The following ADCY3 variants were observed in gnomAD, a reference collection of about 807,000 sequenced individuals.
ADCY3 encodes the protein adenylate cyclase 3, also known as adenylate cyclase type 3.
In ADCY3, 70 loss-of-function variants were observed where a neutral mutation model predicts 119.4. That is an observed-to-expected ratio of 0.59 (90% CI 0.48 to 0.72). ADCY3 has a LOEUF of 0.72. ADCY3 is among the 30% of genes least tolerant of loss of function. The pLI is 0.00. For missense variants in ADCY3, 1,238 were observed against 1,541.6 expected (o/e 0.80, Z 3.30); for synonymous variants, 672 against 621.4 (o/e 1.08, Z -1.21).
At chr2:24,826,747 G>GTATA (rs10577242) in intron 15 of ADCY3, 111 of 151,644 alleles carry the variant, frequency 7.3e-4, no homozygotes, top group East Asian at 1.4e-3. Flanking sequence ...TAAGATGTGT[G>GTATA]TATATATATA....
chr2:24,825,954 TAGG>T, intron 16 of ADCY3, 88 bp downstream of exon 16: 1 of 1,269,318 alleles, frequency 7.9e-7, no homozygotes, highest in Admixed American at 1.9e-5. Flanking sequence ...CCCCATTCCT[TAGG>T]AGCTTGGGCT....
In ADCY3 at chr2:24,841,318, G is replaced by GTA; in HGVS notation, c.1135_1136dup (p.Arg380ThrfsTer63). The GTA allele has an allele frequency of 6.3e-7, 1 of 1,589,078 alleles. No individual in the cohort carries two copies. On this transcript the variant is annotated frameshift_variant, in exon 6 of 22. Coordinates refer to ENST00000679454, the MANE Select transcript of ADCY3 (RefSeq NM_004036.5). LOFTEE classifies it high-confidence loss of function. This position sits in a 1 kb window ranked among gnomAD's most constrained non-coding sequence, Gnocchi z 5.8. ...TGGAGCAGACGGCGTGGTCCTCCCGGTAGTCGGGCAAGCCGCAGATGCAGT... is the reference window on the plus strand; with the variant it reads ...TGGAGCAGACGGCGTGGTCCTCCCGGTATAGTCGGGCAAGCCGCAGATGCAGT...
intron 3 of ADCY3, among the ~76,000 whole-genome samples, chr2:24,856,758 A>G (rs372043284): frequency 6.6e-6 from 1 of 152,332 alleles, no homozygotes; most frequent in African/African-American, 2.4e-5. Context: ...TCATCTATGC[A>G]TGTCCCTGAG....
At position 24,842,117 on chromosome 2, in the gene ADCY3, C is replaced by T; in HGVS notation, c.956+137G>A. 7.9e-7 allele frequency: 1 copy of T among 1,266,100 alleles called. No homozygotes were observed. The highest frequency in any genetic ancestry group is 1.1e-6 in the Non-Finnish European group (1 of 917,428). The allele number at this position is 1,266,100 out of a possible 1,614,324, so 78.4% of individuals were successfully genotyped here. A position where few individuals can be genotyped will look rare whatever the true frequency, so the allele number is the denominator to read the frequency against. On this transcript the variant is annotated intron_variant, in intron 4 of 21. Transcript: ENST00000679454. This position sits in a 1 kb window ranked among gnomAD's most constrained non-coding sequence, Gnocchi z 4.9. ...TCTGCTGGCAGCTTCCTCCGCCAGG[C>T]TGATGAATGCTGTGGGAGGCCTTGC...
In ADCY3 at chr2:24,821,722, G is replaced by A. The variant is rs994601951; in HGVS notation, c.3004-82C>T. ...CTGCTGCCTTCCCTGGCAGTGTTCTGGGGGTGGATTCCCTACACCTAGATG... is the reference window on the plus strand; with the variant it reads ...CTGCTGCCTTCCCTGGCAGTGTTCTAGGGGTGGATTCCCTACACCTAGATG... On this transcript the variant is annotated intron_variant, in intron 19 of 21. Transcript: ENST00000679454. The A allele has an allele frequency of 6.4e-6, 10 of 1,558,266 alleles. No homozygotes were observed. The African/African-American group carries it at 1.1e-4, about 17-fold the overall frequency.
At chr2:24,824,240 T>G (rs575836376) in intron 17 of ADCY3, 138 bp downstream of exon 17, 2 of 1,075,890 alleles carry the variant, frequency 1.9e-6, no homozygotes, top group East Asian at 5.1e-5. Flanking sequence ...TTATTTGTGT[T>G]TGCTGTTTAG....
chr2:24,855,322 T>G (rs140738089), intron 3 of ADCY3, among the ~76,000 whole-genome samples: 1 of 152,064 alleles, frequency 6.6e-6, no homozygotes, highest in African/African-American at 2.4e-5. Flanking sequence ...GGGAACAGAA[T>G]GTTGCTTTCA....
At chr2:24,833,927 C>T (rs1669945761) in intron 11 of ADCY3, among the ~76,000 whole-genome samples, 1 of 152,226 alleles carries the variant, frequency 6.6e-6, no homozygotes, top group Non-Finnish European at 1.5e-5. Flanking sequence ...TCCTCTGTGA[C>T]GGGGAATCCC....
rs569859544 is a variant in ADCY3 at position 24,918,584 on chromosome 2, G to T, written c.404C>A (p.Thr135Asn). 1 of 1,614,182 alleles carries T rather than the reference G, an allele frequency of 6.2e-7. No individual in the cohort carries two copies. The highest frequency in any genetic ancestry group is 1.3e-5 in the African/African-American group (1 of 75,076). Residue 135 changes from threonine to asparagine, a missense_variant, in exon 2 of 22, where the codon ACC becomes AAC. By Grantham distance (65) the Thr-to-Asn change is moderately conservative. Coordinates refer to ENST00000679454, the MANE Select transcript of ADCY3 (RefSeq NM_004036.5). The surrounding 1 kb of genome is among the most constrained non-coding windows in gnomAD (Gnocchi z 5.4). ...CAGCACGTAGGGCAGCACTCTGCGG[G>T]TGACCCGGTCCGGGAGCAGCCCCTT... ...CKKGLLPDRVTRRVLPYVLWL... is the reference protein window; with the variant it reads ...CKKGLLPDRVNRRVLPYVLWL...
intron 8 of ADCY3, 94 bp from the exon 9 acceptor site, chr2:24,837,139 T>C (rs894623181): frequency 7.2e-7 from 1 of 1,395,736 alleles, no homozygotes; most frequent in Non-Finnish European, 9.7e-7. Flanking sequence ...GGCGGTGGGA[T>C]TAGAGAGCAA....
At chr2:24,866,850 A>C (rs555244903) in intron 3 of ADCY3, among the ~76,000 whole-genome samples, 1 of 152,332 alleles carries the variant, frequency 6.6e-6, no homozygotes, top group South Asian at 2.1e-4. Context: ...GGAAGACAGG[A>C]TTAGTAAACT....
intron 2 of ADCY3, among the ~76,000 whole-genome samples, chr2:24,886,029 T>G (rs1676983847): frequency 6.6e-6 from 1 of 152,234 alleles, no homozygotes; most frequent in Admixed American, 6.5e-5. Context: ...TATATGTGGA[T>G]TCTGCATTCT....
At position 24,824,467 on chromosome 2, in the gene ADCY3, C is replaced by T; in HGVS notation, c.2647G>A (p.Glu883Lys). Reference sequence around the variant, plus strand: ...AAGGCCTCGTTCCAGCGTCGCATCTCATAGACACGTTCCTTCTGGTCGTGG... The same window carrying T: ...AAGGCCTCGTTCCAGCGTCGCATCTTATAGACACGTTCCTTCTGGTCGTGG... ...EVHDQKERVYEMRRWNEALVT... is the reference protein window; with the variant it reads ...EVHDQKERVYKMRRWNEALVT... Residue 883 changes from glutamate to lysine, a missense_variant, in exon 17 of 22, where the codon GAG (glutamate) becomes AAG (lysine). By Grantham distance (56) the Glu-to-Lys change is moderately conservative. Transcript: ENST00000679454. 1 of 1,614,276 alleles carries T rather than the reference C, an allele frequency of 6.2e-7. No homozygotes were observed. The highest frequency in any genetic ancestry group is 8.5e-7 in the Non-Finnish European group (1 of 1,180,054).
At chr2:24,849,483 T>A (rs1421427993) in intron 3 of ADCY3, among the ~76,000 whole-genome samples, 1 of 152,180 alleles carries the variant, frequency 6.6e-6, no homozygotes, top group African/African-American at 2.4e-5. Flanking sequence ...GGAATTTCCA[T>A]TTTTTTCCCT....
At chr2:24,908,904 C>A (rs892593412) in intron 2 of ADCY3, among the ~76,000 whole-genome samples, 2 of 152,174 alleles carry the variant, frequency 1.3e-5, no homozygotes, top group African/African-American at 4.8e-5. Context: ...CCCCCCGACA[C>A]ACATTGGCTG....
In ADCY3 at chr2:24,875,763, T is replaced by G. The variant is rs1363787947; in HGVS notation, c.676-3044A>C. 2.0e-5 allele frequency among the ~76,000 whole-genome samples: 3 copies of G among 151,814 alleles called. No individual in the cohort carries two copies. In the East Asian group the frequency reaches 5.8e-4, roughly 29 times the overall value. On this transcript the variant is annotated intron_variant, in intron 2 of 21. Coordinates refer to ENST00000679454, the MANE Select transcript of ADCY3 (RefSeq NM_004036.5). ...AAGCACGCACTTTATCAGCCTCATC[T>G]CCTCTAACTTTACAACCAGTGCTGA...
At chr2:24,838,803 C>T (rs1354049169) in intron 7 of ADCY3, 181 bp from the exon 8 acceptor site, 1 of 1,605,310 alleles carries the variant, frequency 6.2e-7, no homozygotes, top group African/African-American at 1.3e-5. Context: ...CGCTAACTAG[C>T]TGTGTGGGCC....
Position 24,919,082 on chromosome 2 carries a change from G to T in ADCY3, c.-95C>A. ...TCCTCTCAGGGCTCTCTGAGACCGG[G>T]GGAGGGCTGAGGGCCTCTTCTTGTC... On this transcript the variant is annotated 5_prime_UTR_variant, in exon 2 of 22. Coordinates refer to ENST00000679454, the MANE Select transcript of ADCY3 (RefSeq NM_004036.5). The surrounding 1 kb of genome is among the most constrained non-coding windows in gnomAD (Gnocchi z 5.5). 7.4e-7 allele frequency: 1 copy of T among 1,346,490 alleles called. No individual in the cohort carries two copies. The highest frequency in any genetic ancestry group is 9.9e-7 in the Non-Finnish European group (1 of 1,013,692). 83.4% of individuals were successfully genotyped at this position (1,346,490 alleles called of 1,614,324 possible).
At chr2:24,837,108 G>C (rs926203969) in intron 8 of ADCY3, 63 bp from the exon 9 acceptor site, 4 of 1,574,558 alleles carry the variant, frequency 2.5e-6, no homozygotes, top group Middle Eastern at 3.4e-4. Flanking sequence ...GGACAGGTCT[G>C]GAAGTGACAA....
Sources: allele counts gnomAD v4.1 joint callset (sites outside exome capture counted in the v4.1 genomes callset), GRCh38; gene constraint gnomAD v4.1.1; non-coding constraint Gnocchi (gnomAD v3.1); transcripts MANE v1.5; gene names NCBI Gene and HGNC (gene_info 2026-07-23, HGNC 2026-07-21).